Variants in RTN1 observed in about 807,000 individuals in gnomAD.
RTN1 encodes reticulon-1.
In RTN1, 25 loss-of-function variants were observed where a neutral mutation model predicts 65.5. That is an observed-to-expected ratio of 0.38 (90% CI 0.28 to 0.53). The LOEUF is 0.53. Among genes scored for constraint, RTN1 ranks in the 20% least tolerant of loss-of-function variants. The pLI is 0.79. For synonymous variants in RTN1, 471 were observed against 447.6 expected (o/e 1.05, Z -0.66); for missense variants, 983 against 1,025.4 (o/e 0.96, Z 0.57).
intron 1 of RTN1, among the ~76,000 whole-genome samples, chr14:59,750,403 ATAT>A (rs1408736243): frequency 1.7e-5 from 1 of 57,904 alleles, no homozygotes; most frequent in Non-Finnish European, 2.8e-5. Flanking sequence ...TATAATATAT[ATAT>A]TATATGTATA....
rs1026147850 is a variant in RTN1, at chr14:59,868,941, TGAAA to T, written c.241+1445_241+1448del. Reference sequence around the variant, plus strand: ...TTTGTTTTCACTTGGATGCAGAAGTTGAAAGAGAGACTGAGCAGCCATTCTTAGA... The same window carrying T: ...TTTGTTTTCACTTGGATGCAGAAGTTGAGAGACTGAGCAGCCATTCTTAGA... On this transcript the variant is annotated intron_variant, in intron 1 of 8. Coordinates refer to ENST00000267484, the MANE Select transcript of RTN1 (RefSeq NM_021136.3). The surrounding 1 kb of genome is among the most constrained non-coding windows in gnomAD (Gnocchi z 4.0). 6.6e-6 allele frequency among the ~76,000 whole-genome samples: 1 copy of T among 152,202 alleles called. No individual in the cohort carries two copies. Among genetic ancestry groups the T allele is most frequent in the Non-Finnish European group, 1.5e-5 (1 of 68,038 alleles).
At chr14:59,696,105 C>T (rs1884057673) in intron 3 of RTN1, among the ~76,000 whole-genome samples, 5 of 152,112 alleles carry the variant, frequency 3.3e-5, no homozygotes, top group South Asian at 2.1e-4. Flanking sequence ...AGCAACTATT[C>T]GGCTAAGTTT....
At chr14:59,763,663 C>G (rs919269958) in intron 1 of RTN1, among the ~76,000 whole-genome samples, 3 of 151,068 alleles carry the variant, frequency 2.0e-5, no homozygotes, top group Non-Finnish European at 4.4e-5. Context: ...CTCCTGAGTA[C>G]CTGGGACTAC....
intron 3 of RTN1, among the ~76,000 whole-genome samples, chr14:59,616,920 C>T (rs528067382): frequency 2.0e-5 from 3 of 152,316 alleles, no homozygotes; most frequent in Admixed American, 6.5e-5. Flanking sequence ...GAGCTATTTG[C>T]AACTTCTAAC....
At chr14:59,713,200 C>T (rs1324068632) in intron 3 of RTN1, among the ~76,000 whole-genome samples, 3 of 152,064 alleles carry the variant, frequency 2.0e-5, no homozygotes, top group Admixed American at 2.0e-4. Flanking sequence ...GATTCTTTAA[C>T]GCAGTGAAAA....
chr14:59,618,260 C>T (rs1373149581), intron 3 of RTN1, among the ~76,000 whole-genome samples: 1 of 152,234 alleles, frequency 6.6e-6, no homozygotes, highest in Non-Finnish European at 1.5e-5. Context: ...AGTCATGCAG[C>T]TGGAGGCTAC....
At chr14:59,735,952 A>G (rs1057226034) in intron 2 of RTN1, among the ~76,000 whole-genome samples, 1 of 152,234 alleles carries the variant, frequency 6.6e-6, no homozygotes, top group East Asian at 1.9e-4. Flanking sequence ...TGGGTAAATA[A>G]TAAAATTAAG....
chr14:59,792,787 A>G lies in RTN1; in HGVS notation c.242-46306T>C, dbSNP rs1311979786. Among the ~76,000 whole-genome samples the G allele has an allele frequency of 2.6e-5, 4 of 152,208 alleles. No homozygotes were observed. In the South Asian group the frequency reaches 8.3e-4, roughly 32 times the overall value. ...AGAAAATACTAGTAGGAAGCAAAAAATAGTCAATAATTCTTTCCAGATTTC... is the reference window on the plus strand; with the variant it reads ...AGAAAATACTAGTAGGAAGCAAAAAGTAGTCAATAATTCTTTCCAGATTTC... On this transcript the variant is annotated intron_variant, in intron 1 of 8. Transcript: ENST00000267484.
At chr14:59,823,015 G>A (rs536157867) in intron 1 of RTN1, among the ~76,000 whole-genome samples, 3 of 152,112 alleles carry the variant, frequency 2.0e-5, no homozygotes, top group East Asian at 1.9e-4. Context: ...TGTCTATTAC[G>A]TCCATTTGGT....
At chr14:59,758,733 C>T (rs982999407) in intron 1 of RTN1, among the ~76,000 whole-genome samples, 6 of 152,172 alleles carry the variant, frequency 3.9e-5, no homozygotes, top group African/African-American at 1.4e-4. Context: ...TCATATACAT[C>T]TTCATATCTT....
chr14:59,644,879 T>A (rs1882856899), intron 3 of RTN1, among the ~76,000 whole-genome samples: 1 of 152,182 alleles, frequency 6.6e-6, no homozygotes, highest in Non-Finnish European at 1.5e-5. Flanking sequence ...CAGGATCTCC[T>A]GACTGGGGTC....
intron 1 of RTN1, among the ~76,000 whole-genome samples, chr14:59,783,332 T>C (rs1886191050): frequency 6.6e-6 from 1 of 152,108 alleles, no homozygotes; most frequent in South Asian, 2.1e-4. Flanking sequence ...GGTGCCCTGG[T>C]GGGGTTATAC....
intron 1 of RTN1, among the ~76,000 whole-genome samples, chr14:59,752,499 T>C (rs1245657291): frequency 6.6e-6 from 1 of 151,620 alleles, no homozygotes. Context: ...GGGGCGGGGG[T>C]GGTGCACAAA....
intron 1 of RTN1, among the ~76,000 whole-genome samples, chr14:59,779,602 A>G (rs1256500669): frequency 6.6e-6 from 1 of 151,872 alleles, no homozygotes; most frequent in Non-Finnish European, 1.5e-5. Context: ...ATGGAAAACG[A>G]TTCCTAGCAC....
At chr14:59,638,812 CAT>C (rs1159163404) in intron 3 of RTN1, among the ~76,000 whole-genome samples, 2 of 152,204 alleles carry the variant, frequency 1.3e-5, no homozygotes, top group African/African-American at 4.8e-5. Flanking sequence ...AAACTTTCTC[CAT>C]ATCAGCAATG....
At chr14:59,757,211 G>T (rs1209316069) in intron 1 of RTN1, among the ~76,000 whole-genome samples, 1 of 152,104 alleles carries the variant, frequency 6.6e-6, no homozygotes, top group African/African-American at 2.4e-5. Flanking sequence ...GAGATCATGA[G>T]GGAGGAGGCT....
chr14:59,857,503 C>T (rs57396566), intron 1 of RTN1, among the ~76,000 whole-genome samples: 33,610 of 152,002 alleles, frequency 0.22, 4,178 homozygotes, highest in East Asian at 0.56. Context: ...AAAACTGCAG[C>T]CATTTTTTAT....
chr14:59,782,303 T>G (rs913690150), intron 1 of RTN1, among the ~76,000 whole-genome samples: 4 of 152,204 alleles, frequency 2.6e-5, no homozygotes, highest in Non-Finnish European at 5.9e-5. Context: ...AAGTGGGTCA[T>G]GAAGGCATTG....
Position 59,803,145 on chromosome 14 carries a change from T to A in RTN1, c.242-56664A>T, listed in dbSNP as rs895368996. The stretch of plus-strand genomic sequence containing the variant: ...AATCAAAAGGACAGGATGTCTCCTA[T>A]TCTTATGTGACTAAACACAGCTAGA... On this transcript the variant is annotated intron_variant, in intron 1 of 8. Coordinates refer to ENST00000267484, the MANE Select transcript of RTN1 (RefSeq NM_021136.3). The surrounding 1 kb of genome is among the most constrained non-coding windows in gnomAD (Gnocchi z 5.6). Among the ~76,000 whole-genome samples the A allele has an allele frequency of 2.6e-5, 4 of 152,202 alleles. No homozygotes were observed. Among genetic ancestry groups the A allele is most frequent in the African/African-American group, 9.6e-5 (4 of 41,456 alleles).
Sources: allele counts gnomAD v4.1 joint callset (sites outside exome capture counted in the v4.1 genomes callset), GRCh38; gene constraint gnomAD v4.1.1; non-coding constraint Gnocchi (gnomAD v3.1); transcripts MANE v1.5; gene names NCBI Gene and HGNC (gene_info 2026-07-23, HGNC 2026-07-21).